The following CLASRP variants were observed in gnomAD, a reference collection of about 807,000 sequenced individuals.
CLASRP encodes the protein CLK4-associating serine/arginine rich protein.
CLASRP carries 52 observed loss-of-function variants against 99.9 expected under a neutral mutation model. The ratio of observed to expected loss-of-function variants is 0.52; its 90% CI spans 0.42 to 0.66. CLASRP has a LOEUF of 0.66. Among genes scored for constraint, CLASRP ranks in the 30% least tolerant of loss-of-function variants. The pLI is 0.00. For missense variants in CLASRP, 848 were observed against 999.2 expected, an observed-to-expected ratio of 0.85 and a Z score of 2.04; for synonymous variants, 379 against 373.0, an observed-to-expected ratio of 1.02 and a Z score of -0.18.
intron 15 of CLASRP, 25 bp downstream of exon 15, chr19:45,068,079 C>T (rs776768650): frequency 5.5e-5 from 88 of 1,611,520 alleles, no homozygotes; most frequent in Admixed American, 1.3e-4. Flanking sequence ...GGAACTCGCC[C>T]GTCTAATTCC....
intron 7 of CLASRP, among the ~76,000 whole-genome samples, chr19:45,058,858 C>G (rs1439220080): frequency 6.6e-6 from 1 of 151,910 alleles, no homozygotes; most frequent in African/African-American, 2.4e-5. Context: ...TCCTCCCTCT[C>G]ACGTCAACCC....
chr19:45,051,840 C>G (rs1009571420), intron 2 of CLASRP, among the ~76,000 whole-genome samples: 1 of 151,958 alleles, frequency 6.6e-6, no homozygotes, highest in Non-Finnish European at 1.5e-5. Context: ...TGGTGGCGGG[C>G]GCCTGTAGTC....
At position 45,070,859 on chromosome 19, in the gene CLASRP, G is replaced by A. The variant is rs1324046192; in HGVS notation, c.*14G>A. ...TACCGACATTAGGCAGAAGAGTGGG[G>A]GGTGGGGAGGACAAGGGGGTGGGTA... On this transcript the variant is annotated 3_prime_UTR_variant, in exon 21 of 21. Transcript: ENST00000221455. 1.3e-6 allele frequency: 2 copies of A among 1,542,580 alleles called. No individual in the cohort carries two copies. The highest frequency in any genetic ancestry group is 1.7e-5 in the Admixed American group (1 of 57,948).
Position 45,053,189 on chromosome 19 carries a change from G to A in CLASRP, c.379+12G>A. ...CGACTTTGCCGGCAGTGAGTGATCT[G>A]TGGGGGGACGTGGGGTGTGGGGTTT... is the stretch of plus-strand genomic sequence containing the variant. On this transcript the variant is annotated intron_variant, in intron 5 of 20. Coordinates refer to ENST00000221455, the MANE Select transcript of CLASRP (RefSeq NM_007056.3). 6.2e-7 allele frequency: 1 copy of A among 1,613,558 alleles called. No homozygotes were observed. Among genetic ancestry groups the A allele is most frequent in the South Asian group, 1.1e-5 (1 of 91,072 alleles).
At position 45,067,095 on chromosome 19, in the gene CLASRP, G is replaced by A. The variant is rs1163204195; in HGVS notation, c.1410-242G>A. 1.3e-5 allele frequency among the ~76,000 whole-genome samples: 2 copies of A among 152,236 alleles called. No individual in the cohort carries two copies. Among genetic ancestry groups the A allele is most frequent in the African/African-American group, 2.4e-5 (1 of 41,460 alleles). On this transcript the variant is annotated intron_variant, in intron 13 of 20. Transcript: ENST00000221455. This position sits in a 1 kb window ranked among gnomAD's most constrained non-coding sequence, Gnocchi z 4.9. ...AGTGAGGGAGAGGTGACGTGGGCCA[G>A]GCAGGGCTCATGATGGCAGGACTGC...
At position 45,053,190 on chromosome 19, in the gene CLASRP, TG is replaced by T. The variant is rs757560222; in HGVS notation, c.379+19del. ...GACTTTGCCGGCAGTGAGTGATCTG[TG>T]GGGGGACGTGGGGTGTGGGGTTTGA... is the stretch of plus-strand genomic sequence containing the variant. On this transcript the variant is annotated intron_variant, in intron 5 of 20. Transcript: ENST00000221455. The T allele has an allele frequency of 2.0e-5, 32 of 1,612,598 alleles. 1 individual carries two copies. In the South Asian group the frequency reaches 3.4e-4, roughly 17 times the overall value.
intron 5 of CLASRP, among the ~76,000 whole-genome samples, chr19:45,053,612 G>C (rs1436097833): frequency 6.6e-6 from 1 of 151,970 alleles, no homozygotes. Context: ...CTGAGTAGCT[G>C]GGATTACAGG....
At position 45,052,871 on chromosome 19, in the gene CLASRP, C is replaced by A; in HGVS notation, c.278C>A (p.Thr93Asn). The A allele has an allele frequency of 1.2e-6, 2 of 1,608,372 alleles. No homozygotes were observed. Among genetic ancestry groups the A allele is most frequent in the Non-Finnish European group, 1.7e-6 (2 of 1,177,284 alleles). ...RAHLDHIPDY[T>N]PPLLTTISPE... The stretch of plus-strand genomic sequence containing the variant: ...CACCTGGACCACATCCCCGACTACA[C>A]CCCCCCTCTGCTCACCACCATGTAA... The change falls in exon 4 of 21, where the codon ACC (threonine) becomes AAC (asparagine). Residue 93 changes from threonine (T) to asparagine (N), a missense_variant. Coordinates refer to ENST00000221455, the MANE Select transcript of CLASRP (RefSeq NM_007056.3).
Position 45,057,865 on chromosome 19 carries a change from A to T in CLASRP, c.580A>T (p.Asn194Tyr). ...EEESAAEEES[N>Y]SDEDEVIPDI... ...GGAGTCAGCGGCCGAGGAGGAGAGC[A>T]ACTCGGACGAAGATGAGGTCATCCC... Residue 194 changes from asparagine to tyrosine, a missense_variant, in exon 7 of 21, where the codon AAC becomes TAC. By Grantham distance (143) the Asn-to-Tyr change is moderately radical (BLOSUM62 -2). Around this residue, in one of 8 missense-constraint regions of CLASRP, gnomAD observed 119 missense variants for 170.2 expected, o/e 0.70. Coordinates refer to ENST00000221455, the MANE Select transcript of CLASRP (RefSeq NM_007056.3). 2 of 1,613,996 alleles carry T rather than the reference A, an allele frequency of 1.2e-6. No individual in the cohort carries two copies. The highest frequency in any genetic ancestry group is 1.7e-6 in the Non-Finnish European group (2 of 1,179,930).
intron 3 of CLASRP, among the ~76,000 whole-genome samples, 167 bp from the exon 4 acceptor site, chr19:45,052,624 C>T (rs1164127738): frequency 1.3e-5 from 2 of 152,052 alleles, no homozygotes; most frequent in Non-Finnish European, 2.9e-5. Flanking sequence ...GGGAGGCTTG[C>T]AACAGAAGGG....
chr19:45,062,517 A>G (rs988987979), intron 11 of CLASRP, among the ~76,000 whole-genome samples: 9 of 152,122 alleles, frequency 5.9e-5, no homozygotes, highest in Non-Finnish European at 1.3e-4. Context: ...AGCTGGGACT[A>G]CAGGTGCCCG....
intron 2 of CLASRP, 49 bp from the exon 3 acceptor site, chr19:45,052,022 G>A (rs1418238004): frequency 4.8e-6 from 7 of 1,447,262 alleles, no homozygotes; most frequent in Non-Finnish European, 5.8e-6. Context: ...GAGGGGGTGG[G>A]GTTTGGAGCT....
At chr19:45,069,927 T>C (rs1967195234) in intron 18 of CLASRP, 95 bp from the exon 19 acceptor site, 1 of 732,150 alleles carries the variant, frequency 1.4e-6, no homozygotes, top group Non-Finnish European at 2.5e-6. Flanking sequence ...CTTGGTTTAC[T>C]GTCTTCCTCG....
intron 7 of CLASRP, chr19:45,058,251 C>T (rs1001834903): frequency 2.3e-5 from 6 of 255,582 alleles, no homozygotes; most frequent in Non-Finnish European, 4.7e-5. Flanking sequence ...CAGAGTCAGC[C>T]CCCATCCGCC....
intron 5 of CLASRP, among the ~76,000 whole-genome samples, chr19:45,056,043 CAGAG>C (rs1972113078): frequency 6.6e-6 from 1 of 152,096 alleles, no homozygotes; most frequent in Non-Finnish European, 1.5e-5. Flanking sequence ...AAATGAGCCA[CAGAG>C]AGGCATGCAG....
rs1413888385 is a variant in CLASRP at position 45,069,582 on chromosome 19, G to C, written c.1874+334G>C. ...CGCCATGGGTCTTTCTCCTGTCCCAGCCTCAGTTTGCTTATCTCCTAAATG... is the reference window on the plus strand; with the variant it reads ...CGCCATGGGTCTTTCTCCTGTCCCACCCTCAGTTTGCTTATCTCCTAAATG... On this transcript the variant is annotated intron_variant, in intron 18 of 20. Coordinates refer to ENST00000221455, the MANE Select transcript of CLASRP (RefSeq NM_007056.3). 5.9e-6 allele frequency: 3 copies of C among 511,192 alleles called. No homozygotes were observed. The Admixed American group carries it at 9.9e-5, about 17-fold the overall frequency. 31.7% of individuals were successfully genotyped at this position (511,192 alleles called of 1,614,324 possible). A position where few individuals can be genotyped will look rare whatever the true frequency, so the allele number is the denominator to read the frequency against.
intron 2 of CLASRP, among the ~76,000 whole-genome samples, chr19:45,044,181 C>T (rs1012836853): frequency 6.6e-6 from 1 of 152,222 alleles, no homozygotes; most frequent in Non-Finnish European, 1.5e-5. Flanking sequence ...CACACCCAGC[C>T]TAGCTGCCAT....
At chr19:45,052,288 A>G (rs909660080) in intron 3 of CLASRP, 120 bp downstream of exon 3, 11 of 790,152 alleles carry the variant, frequency 1.4e-5, no homozygotes, top group Admixed American at 2.2e-5. Flanking sequence ...ACTCAGAGGC[A>G]GGGAAGGTGT....
rs1967131708 is a variant in CLASRP, at chr19:45,067,992, C to T, written c.1668-23C>T. Reference sequence around the variant, plus strand: ...TGCCCTTTCCCCCTCCCAACCATGTCCTCTGGCCCTGCCCCCACCCAGGAC... The same window carrying T: ...TGCCCTTTCCCCCTCCCAACCATGTTCTCTGGCCCTGCCCCCACCCAGGAC... On this transcript the variant is annotated intron_variant, in intron 14 of 20. Transcript: ENST00000221455. This position sits in a 1 kb window ranked among gnomAD's most constrained non-coding sequence, Gnocchi z 4.9. 2 of 1,594,662 alleles carry T rather than the reference C, an allele frequency of 1.3e-6. No individual in the cohort carries two copies. Among genetic ancestry groups the T allele is most frequent in the African/African-American group, 1.3e-5 (1 of 74,676 alleles).
Sources: gnomAD v4.1 joint callset for allele counts (sites outside exome capture counted in the v4.1 genomes callset) on GRCh38, gnomAD v4.1.1 for gene constraint, gnomAD v4.1.1 regional missense constraint, Gnocchi (gnomAD v3.1) non-coding constraint, MANE v1.5 for transcripts, NCBI Gene and HGNC (gene_info 2026-07-23, HGNC 2026-07-21) for gene names.